CSMD1: variants seen among roughly 807,000 people sequenced by gnomAD.
CSMD1 encodes the protein CUB and Sushi multiple domains 1.
In CSMD1, 213 loss-of-function variants were observed where a neutral mutation model predicts 417.5. The observed-to-expected ratio is 0.51, with a 90% CI of 0.46 to 0.57. The LOEUF is 0.57. CSMD1 is among the 20% of genes least tolerant of loss of function. The pLI, the probability that CSMD1 is intolerant of heterozygous loss-of-function variation, is 0.00. For synonymous variants in CSMD1, 2,862 were observed against 1,736.8 expected (o/e 1.65, Z -16.11); for missense variants, 6,923 against 4,529.7 (o/e 1.53, Z -15.17).
chr8:3,878,164 G>C (rs772587691), intron 5 of CSMD1, among the ~76,000 whole-genome samples: 2 of 151,996 alleles, frequency 1.3e-5, no homozygotes, highest in Admixed American at 6.6e-5. Flanking sequence ...TTTTGCACGA[G>C]AGATTCAAAT....
chr8:4,220,780 A>T (rs923077615), intron 3 of CSMD1, among the ~76,000 whole-genome samples: 1 of 152,250 alleles, frequency 6.6e-6, no homozygotes, highest in Non-Finnish European at 1.5e-5. Context: ...GCCACCCAAG[A>T]AATCCTTATA....
At chr8:4,929,698 T>G (rs1223571124) in intron 1 of CSMD1, among the ~76,000 whole-genome samples, 4 of 152,200 alleles carry the variant, frequency 2.6e-5, no homozygotes, top group African/African-American at 4.8e-5. Flanking sequence ...CTGTTTTATT[T>G]TTATTTTTTC....
intron 1 of CSMD1, among the ~76,000 whole-genome samples, chr8:4,810,447 T>A (rs185100241): frequency 1.3e-5 from 2 of 152,194 alleles, no homozygotes. Flanking sequence ...AGGCCTTTTC[T>A]TGCTTTGCCA....
At chr8:3,693,718 G>T (rs1203169164) in intron 7 of CSMD1, among the ~76,000 whole-genome samples, 1 of 152,124 alleles carries the variant, frequency 6.6e-6, no homozygotes, top group Non-Finnish European at 1.5e-5. Context: ...AAATGTATGT[G>T]TTGTGTGTGT....
chr8:4,047,806 G>A (rs1163882219), intron 3 of CSMD1, among the ~76,000 whole-genome samples: 2 of 151,822 alleles, frequency 1.3e-5, no homozygotes, highest in African/African-American at 2.4e-5. Context: ...TAGGTAGTCA[G>A]GAAACACCTC....
intron 2 of CSMD1, among the ~76,000 whole-genome samples, chr8:4,579,895 G>C (rs1297536519): frequency 6.6e-6 from 1 of 152,058 alleles, no homozygotes; most frequent in African/African-American, 2.4e-5. Flanking sequence ...AGTCTTATAA[G>C]GGTATAATTA....
At chr8:2,951,999 A>G (rs902861337) in intron 65 of CSMD1, among the ~76,000 whole-genome samples, 1 of 152,236 alleles carries the variant, frequency 6.6e-6, no homozygotes, top group African/African-American at 2.4e-5. Context: ...AGGAAAACTT[A>G]ACAAAGATTA....
chr8:3,935,471 G>C (rs1810425392), intron 5 of CSMD1, among the ~76,000 whole-genome samples: 1 of 152,102 alleles, frequency 6.6e-6, no homozygotes, highest in Non-Finnish European at 1.5e-5. Context: ...CAGGTCTATT[G>C]GTGTCATTAT....
chr8:2,973,868 GTGGTAGAGGATGATGGTAGAGGATGA>G (rs1563196412), intron 56 of CSMD1, among the ~76,000 whole-genome samples: 11 of 120,602 alleles, frequency 9.1e-5, no homozygotes, highest in African/African-American at 2.6e-4. Context: ...GTAGAGGATG[GTGGTAGAGGATGATGGTAGAGGATGA>G]TGGTAGAGGA....
At chr8:4,302,044 A>T (rs994807764) in intron 3 of CSMD1, among the ~76,000 whole-genome samples, 4 of 152,308 alleles carry the variant, frequency 2.6e-5, no homozygotes, top group South Asian at 2.1e-4. Flanking sequence ...TGAAATCCCT[A>T]ATTTTTTCAT....
intron 3 of CSMD1, among the ~76,000 whole-genome samples, chr8:4,107,627 G>A (rs1801635517): frequency 6.6e-6 from 1 of 152,148 alleles, no homozygotes; most frequent in African/African-American, 2.4e-5. Context: ...CAAACTGCAT[G>A]TACAATGAGC....
chr8:4,722,280 T>C (rs903872518), intron 1 of CSMD1, among the ~76,000 whole-genome samples: 1 of 152,092 alleles, frequency 6.6e-6, no homozygotes, highest in Non-Finnish European at 1.5e-5. Flanking sequence ...ATTCCTTAAA[T>C]ACAGACTGCA....
At chr8:4,179,762 G>GC (rs1416623254) in intron 3 of CSMD1, among the ~76,000 whole-genome samples, 4 of 151,084 alleles carry the variant, frequency 2.6e-5, no homozygotes, top group Non-Finnish European at 5.9e-5. Flanking sequence ...TCAAAAAGTG[G>GC]TGAACAATAT....
chr8:3,964,066 G>A (rs955678407), intron 5 of CSMD1, among the ~76,000 whole-genome samples: 3 of 152,192 alleles, frequency 2.0e-5, no homozygotes, highest in South Asian at 2.1e-4. Context: ...AGCATGAGGT[G>A]CTTGCTTGAA....
At chr8:3,707,322 G>C (rs1358037978) in intron 7 of CSMD1, among the ~76,000 whole-genome samples, 1 of 151,728 alleles carries the variant, frequency 6.6e-6, no homozygotes, top group African/African-American at 2.4e-5. Flanking sequence ...GACCCGAGAG[G>C]GTTCAGATGT....
At chr8:3,051,177 G>C (rs933162144) in intron 50 of CSMD1, among the ~76,000 whole-genome samples, 2 of 152,170 alleles carry the variant, frequency 1.3e-5, no homozygotes, top group Non-Finnish European at 2.9e-5. Flanking sequence ...ATTCACAATA[G>C]CAAAGATATG....
chr8:4,362,341 C>CAG (rs1191546189), intron 3 of CSMD1, among the ~76,000 whole-genome samples: 1 of 152,120 alleles, frequency 6.6e-6, no homozygotes, highest in East Asian at 1.9e-4. Context: ...CTTGAGACCC[C>CAG]AAGCTCATCT....
chr8:3,029,612 C>G, intron 50 of CSMD1, 99 bp from the exon 51 acceptor site: 1 of 1,016,138 alleles, frequency 9.8e-7, no homozygotes, highest in South Asian at 1.6e-5. Flanking sequence ...TGAAACTGAT[C>G]TTGTTTGGCA....
intron 3 of CSMD1, among the ~76,000 whole-genome samples, chr8:4,079,835 G>C (rs530780718): frequency 7.2e-5 from 11 of 152,298 alleles, no homozygotes; most frequent in Non-Finnish European, 1.5e-4. Flanking sequence ...ACAGTAGCCA[G>C]GGATAATGGA....
Sources: allele counts gnomAD v4.1 joint callset (sites outside exome capture counted in the v4.1 genomes callset), GRCh38; gene constraint gnomAD v4.1.1; transcripts MANE v1.5; gene names NCBI Gene and HGNC (gene_info 2026-07-23, HGNC 2026-07-21).